The following PPP2R2C variants were observed in gnomAD, a reference collection of about 807,000 sequenced individuals.
PPP2R2C encodes protein phosphatase 2 regulatory subunit Bgamma.
In PPP2R2C, 10 loss-of-function variants were observed where a neutral mutation model predicts 45.3. The ratio of observed to expected loss-of-function variants is 0.22; its 90% confidence interval spans 0.14 to 0.37. The LOEUF is 0.37. PPP2R2C is among the 10% of genes least tolerant of loss of function. The pLI is 1.00. For missense variants in PPP2R2C, 308 were observed against 619.7 expected, an observed-to-expected ratio of 0.50 and a Z score of 5.34; for synonymous variants, 257 against 245.4, an observed-to-expected ratio of 1.05 and a Z score of -0.44.
intron 2 of PPP2R2C, among the ~76,000 whole-genome samples, chr4:6,484,667 TG>T (rs1422661369): frequency 6.6e-6 from 1 of 151,882 alleles, no homozygotes; most frequent in Non-Finnish European, 1.5e-5. Context: ...CTATCATCAG[TG>T]TTTTATAATT....
chr4:6,458,341 G>T (rs781213955), intron 1 of PPP2R2C, among the ~76,000 whole-genome samples: 8 of 152,178 alleles, frequency 5.3e-5, no homozygotes, highest in Non-Finnish European at 1.2e-4. Context: ...GAGGCTGGAA[G>T]TCCAAGATCA....
intron 1 of PPP2R2C, 178 bp from the exon 2 acceptor site, chr4:6,381,272 CCT>C (rs1715774004): frequency 1.3e-6 from 2 of 1,531,664 alleles, no homozygotes; most frequent in Non-Finnish European, 1.7e-6. Context: ...CAACCTGTCC[CCT>C]CCTGCCCTCC....
In PPP2R2C at chr4:6,324,863, C is replaced by T. The variant is rs1482825746; in HGVS notation, c.1053-1270G>A. 2.0e-5 allele frequency among the ~76,000 whole-genome samples: 3 copies of T among 152,190 alleles called. No individual in the cohort carries two copies. The highest frequency in any genetic ancestry group is 4.4e-5 in the Non-Finnish European group (3 of 68,032). On this transcript the variant is annotated intron_variant, in intron 8 of 8. Coordinates refer to ENST00000382599, the MANE Select transcript of PPP2R2C (RefSeq NM_020416.4). The surrounding 1 kb of genome is among the most constrained non-coding windows in gnomAD (Gnocchi z 4.1). ...GTTTTGGGGTTTGGCCTCTGCAGGGCCCTGGAGCAGCTGTGAGGTGCAAGG... is the reference window on the plus strand; with the variant it reads ...GTTTTGGGGTTTGGCCTCTGCAGGGTCCTGGAGCAGCTGTGAGGTGCAAGG...
At position 6,499,779 on chromosome 4, in the gene PPP2R2C, C is replaced by A. The variant is rs952055677; in HGVS notation, c.49+35492G>T. Among the ~76,000 whole-genome samples the A allele has an allele frequency of 3.7e-4, 55 of 147,814 alleles. No homozygotes were observed. In the East Asian group the frequency reaches 4.2e-3, roughly 11 times the overall value. The stretch of plus-strand genomic sequence containing the variant: ...CATTGAACCATAAAAAAAAAAAAAA[C>A]AACTCCTACCCCAGACACCTGCTGG... On this transcript the variant is annotated intron_variant, in intron 2 of 9. Coordinates refer to the PPP2R2C transcript ENST00000506140.
At chr4:6,507,449 C>T (rs1723275335) in intron 2 of PPP2R2C, among the ~76,000 whole-genome samples, 1 of 152,252 alleles carries the variant, frequency 6.6e-6, no homozygotes, top group Non-Finnish European at 1.5e-5. Context: ...AGTTTCCACT[C>T]TTGCCCTCTG....
chr4:6,392,810 G>A (rs139611983), intron 1 of PPP2R2C, among the ~76,000 whole-genome samples: 161 of 152,300 alleles, frequency 1.1e-3, no homozygotes, highest in African/African-American at 3.7e-3. Context: ...GCACTTTCAG[G>A]GGTGGGCGTG....
chr4:6,403,397 A>T (rs895600436), intron 1 of PPP2R2C, among the ~76,000 whole-genome samples: 1 of 152,154 alleles, frequency 6.6e-6, no homozygotes, highest in African/African-American at 2.4e-5. Context: ...TTATTTGATT[A>T]GAAAAAAAGA....
At chr4:6,549,435 G>A (rs1725106769) in intron 1 of PPP2R2C, among the ~76,000 whole-genome samples, 1 of 152,188 alleles carries the variant, frequency 6.6e-6, no homozygotes, top group African/African-American at 2.4e-5. Flanking sequence ...TTTTCAGCTG[G>A]GACCTGAATA....
chr4:6,547,387 G>A (rs897482216), intron 1 of PPP2R2C, among the ~76,000 whole-genome samples: 6 of 151,946 alleles, frequency 3.9e-5, no homozygotes, highest in South Asian at 4.2e-4. Flanking sequence ...GGTATGATAA[G>A]GAAGCTAACC....
At chr4:6,365,893 G>A (rs1030938445) in intron 5 of PPP2R2C, among the ~76,000 whole-genome samples, 3 of 152,170 alleles carry the variant, frequency 2.0e-5, no homozygotes, top group Admixed American at 2.0e-4. Context: ...TAAAGCAGAG[G>A]TCCATCCGCT....
intron 1 of PPP2R2C, among the ~76,000 whole-genome samples, chr4:6,399,612 CCAGGGGCCAG>C (rs1717280000): frequency 6.6e-6 from 1 of 152,230 alleles, no homozygotes; most frequent in East Asian, 1.9e-4. Context: ...TACACAGCTT[CCAGGGGCCAG>C]CAGGAAGCCA....
intron 2 of PPP2R2C, among the ~76,000 whole-genome samples, chr4:6,534,310 TAC>T (rs1192244783): frequency 2.3e-5 from 3 of 128,582 alleles, no homozygotes; most frequent in African/African-American, 9.2e-5. Flanking sequence ...CCCCAACACA[TAC>T]ACACATCAAA....
At chr4:6,461,923 G>A (rs1171477816) in intron 1 of PPP2R2C, among the ~76,000 whole-genome samples, 2 of 152,220 alleles carry the variant, frequency 1.3e-5, no homozygotes, top group Non-Finnish European at 2.9e-5. Flanking sequence ...ACAGGCACCA[G>A]GCCCACGGAG....
chr4:6,463,276 G>A (rs1353242752), intron 1 of PPP2R2C, among the ~76,000 whole-genome samples: 1 of 152,008 alleles, frequency 6.6e-6, no homozygotes, highest in Non-Finnish European at 1.5e-5. Context: ...CCAAGGGCAC[G>A]GCAGCTGTGC....
rs376482565 is a variant in PPP2R2C at position 6,483,145 on chromosome 4, T to TAGATAGATA, written c.49+52125_49+52126insTATCTATCT. 9.0e-3 allele frequency among the ~76,000 whole-genome samples: 932 copies of TAGATAGATA among 103,578 alleles called. 4 individuals are homozygous for TAGATAGATA. The highest frequency in any genetic ancestry group is 0.013 in the Admixed American group (155 of 12,168). 68.0% of individuals were successfully genotyped at this position (103,578 alleles called of 152,430 possible). On this transcript the variant is annotated intron_variant, in intron 2 of 9. Coordinates refer to the PPP2R2C transcript ENST00000506140. Reference sequence around the variant, plus strand: ...TAGATAGATAGATAGATAGATAGATTGATTGATTGATAGATAGACGATAGA... The same window carrying TAGATAGATA: ...TAGATAGATAGATAGATAGATAGATTAGATAGATAGATTGATTGATAGATAGACGATAGA...
chr4:6,551,020 C>T (rs1725166660), intron 1 of PPP2R2C, among the ~76,000 whole-genome samples: 1 of 152,182 alleles, frequency 6.6e-6, no homozygotes, highest in African/African-American at 2.4e-5. Flanking sequence ...CCTTCCTCGC[C>T]TCCGGGGCCA....
intron 2 of PPP2R2C, among the ~76,000 whole-genome samples, chr4:6,531,941 G>T (rs1407878423): frequency 6.6e-6 from 1 of 152,170 alleles, no homozygotes; most frequent in African/African-American, 2.4e-5. Context: ...GTCTTCCCAG[G>T]TCTCATCCCC....
chr4:6,380,645 G>C lies in PPP2R2C; in HGVS notation c.168+352C>G, dbSNP rs527514740. 6.6e-5 allele frequency among the ~76,000 whole-genome samples: 10 copies of C among 152,248 alleles called. No individual in the cohort carries two copies. In the East Asian group the frequency reaches 1.7e-3, roughly 26 times the overall value. On this transcript the variant is annotated intron_variant, in intron 2 of 8. Coordinates refer to ENST00000382599, the MANE Select transcript of PPP2R2C (RefSeq NM_020416.4). ...CATCCAGGGTCTAGGACAGAGCATG[G>C]GATGCAGGCAGCTCTCCGCAAACAT...
intron 1 of PPP2R2C, among the ~76,000 whole-genome samples, chr4:6,470,790 G>A (rs1399220803): frequency 6.6e-6 from 1 of 151,762 alleles, no homozygotes; most frequent in Non-Finnish European, 1.5e-5. Context: ...GAGCCCCACC[G>A]GCCCGGAGGC....
Sources: allele counts gnomAD v4.1 joint callset (sites outside exome capture counted in the v4.1 genomes callset), GRCh38; gene constraint gnomAD v4.1.1; non-coding constraint Gnocchi (gnomAD v3.1); transcripts MANE v1.5; gene names NCBI Gene and HGNC (gene_info 2026-07-23, HGNC 2026-07-21).